NXPH1: variants seen among roughly 807,000 people sequenced by gnomAD.
NXPH1 encodes neurexophilin 1.
A neutral mutation model predicts 23.7 loss-of-function variants in NXPH1; 5 were observed. That is an observed-to-expected ratio of 0.21 (90% CI 0.11 to 0.44). NXPH1 has a LOEUF of 0.44. Ranked by LOEUF, NXPH1 falls within the 20% of genes least tolerant of loss-of-function variation. The pLI, the probability that NXPH1 is intolerant of heterozygous loss-of-function variation, is 0.99. For synonymous variants in NXPH1, 144 were observed against 122.2 expected, an observed-to-expected ratio of 1.18 and a Z score of -1.18; for missense variants, 324 against 321.6, an observed-to-expected ratio of 1.01 and a Z score of -0.06.
Position 8,696,074 on chromosome 7 carries a change from T to G in NXPH1, c.55-54934T>G, listed in dbSNP as rs140315888. Among the ~76,000 whole-genome samples the G allele has an allele frequency of 4.9e-3, 753 of 152,362 alleles. 5 individuals are homozygous for G. Among genetic ancestry groups the G allele is most frequent in the African/African-American group, 0.017 (698 of 41,588 alleles). On this transcript the variant is annotated intron_variant, in intron 2 of 2. Transcript: ENST00000405863. ...TGTGTGCACTGTAACTTGTATATTC[T>G]TATCTCTGATATAAATATATTGTCT...
chr7:8,566,399 A>G (rs1007281140), intron 2 of NXPH1, among the ~76,000 whole-genome samples: 15 of 151,878 alleles, frequency 9.9e-5, no homozygotes, highest in Admixed American at 9.2e-4. Context: ...GGAAAGTGGT[A>G]AAGCATTATT....
chr7:8,652,061 T>A (rs1183477190), intron 2 of NXPH1, among the ~76,000 whole-genome samples: 1 of 152,172 alleles, frequency 6.6e-6, no homozygotes, highest in Non-Finnish European at 1.5e-5. Context: ...CATCTGTCCC[T>A]TTTTAAGCTT....
intron 2 of NXPH1, among the ~76,000 whole-genome samples, chr7:8,640,161 G>C (rs1583210216): frequency 6.6e-6 from 1 of 152,106 alleles, no homozygotes; most frequent in Non-Finnish European, 1.5e-5. Flanking sequence ...ATTTATGTCA[G>C]TGTACATCTT....
chr7:8,466,511 T>A (rs1241592392), intron 2 of NXPH1, among the ~76,000 whole-genome samples: 1 of 152,202 alleles, frequency 6.6e-6, no homozygotes, highest in Non-Finnish European at 1.5e-5. Flanking sequence ...TAAAGGTGTC[T>A]GCAACATTTG....
In NXPH1 at chr7:8,442,806, C is replaced by A. The variant is rs1288943843; in HGVS notation, c.54+7039C>A. Among the ~76,000 whole-genome samples, 1 of 152,232 alleles carries A rather than the reference C, an allele frequency of 6.6e-6. No individual in the cohort carries two copies. The highest frequency in any genetic ancestry group is 1.5e-5 in the Non-Finnish European group (1 of 68,040). ...CCTCTCGCGTCCGGAGCCCAAGTCC[C>A]CATGCAAAAGCGCTGTTTCTGGGTA... On this transcript the variant is annotated intron_variant, in intron 2 of 2. Transcript: ENST00000405863. The surrounding 1 kb of genome is among the most constrained non-coding windows in gnomAD (Gnocchi z 4.6).
chr7:8,567,954 T>C (rs1818575499), intron 2 of NXPH1, among the ~76,000 whole-genome samples: 1 of 151,948 alleles, frequency 6.6e-6, no homozygotes, highest in African/African-American at 2.4e-5. Flanking sequence ...AACCCCTTTA[T>C]ATTTATAGAA....
chr7:8,489,745 G>A (rs1242008841), intron 2 of NXPH1, among the ~76,000 whole-genome samples: 1 of 152,104 alleles, frequency 6.6e-6, no homozygotes, highest in African/African-American at 2.4e-5. Flanking sequence ...CATGTTGAAA[G>A]GACCTGCCTT....
At chr7:8,533,279 G>T (rs1208130594) in intron 2 of NXPH1, among the ~76,000 whole-genome samples, 8 of 152,074 alleles carry the variant, frequency 5.3e-5, no homozygotes, top group African/African-American at 1.4e-4. Flanking sequence ...CAATACTGAA[G>T]TTGTCTTCCT....
intron 2 of NXPH1, among the ~76,000 whole-genome samples, chr7:8,660,128 A>G (rs1170919419): frequency 6.6e-6 from 1 of 152,256 alleles, no homozygotes; most frequent in Admixed American, 6.5e-5. Context: ...TACATGGAGC[A>G]TCTTATTATG....
intron 2 of NXPH1, among the ~76,000 whole-genome samples, chr7:8,728,772 T>G (rs1780100212): frequency 6.6e-6 from 1 of 152,256 alleles, no homozygotes. Context: ...TGCATCAATA[T>G]TCATCAAGGA....
At chr7:8,624,187 T>C (rs186309094) in intron 2 of NXPH1, among the ~76,000 whole-genome samples, 6 of 152,250 alleles carry the variant, frequency 3.9e-5, no homozygotes, top group African/African-American at 1.4e-4. Flanking sequence ...CTCTTAGGTA[T>C]GAGTTTTGGC....
At chr7:8,625,749 A>C (rs1223845558) in intron 2 of NXPH1, among the ~76,000 whole-genome samples, 1 of 152,156 alleles carries the variant, frequency 6.6e-6, no homozygotes. Context: ...AGAGATAAAG[A>C]GTCTGAAATC....
intron 2 of NXPH1, among the ~76,000 whole-genome samples, chr7:8,488,154 C>G (rs1412483392): frequency 6.6e-6 from 1 of 152,116 alleles, no homozygotes; most frequent in Non-Finnish European, 1.5e-5. Context: ...CTCATGAACA[C>G]ATTTTATGGA....
intron 2 of NXPH1, among the ~76,000 whole-genome samples, chr7:8,572,566 A>G (rs1438608303): frequency 2.0e-5 from 3 of 152,016 alleles, no homozygotes; most frequent in African/African-American, 7.2e-5. Flanking sequence ...GTAGACATAG[A>G]GCTGTGAAGG....
chr7:8,560,692 G>A (rs1818428929), intron 2 of NXPH1, among the ~76,000 whole-genome samples: 1 of 151,694 alleles, frequency 6.6e-6, no homozygotes, highest in Admixed American at 6.6e-5. Flanking sequence ...TCTTGGATCA[G>A]CTTTTCTCAA....
intron 2 of NXPH1, among the ~76,000 whole-genome samples, chr7:8,612,561 A>T (rs1211544162): frequency 6.6e-6 from 1 of 152,092 alleles, no homozygotes; most frequent in Non-Finnish European, 1.5e-5. Flanking sequence ...GTGCTAAGTT[A>T]TAAGAGAGTC....
chr7:8,722,795 C>T lies in NXPH1; in HGVS notation c.55-28213C>T, dbSNP rs1338728508. Among the ~76,000 whole-genome samples the T allele has an allele frequency of 2.0e-5, 3 of 152,174 alleles. 1 individual carries two copies. Among genetic ancestry groups the T allele is most frequent in the South Asian group, 4.1e-4 (2 of 4,832 alleles). On this transcript the variant is annotated intron_variant, in intron 2 of 2. Coordinates refer to ENST00000405863, the MANE Select transcript of NXPH1 (RefSeq NM_152745.3). ...CCTTCATCACAATTTTGGCTCTGCT[C>T]CTAACCATCTTGATAGCCTTTTGTG...
chr7:8,646,862 CA>C (rs1282248774), intron 2 of NXPH1, among the ~76,000 whole-genome samples: 2 of 73,862 alleles, frequency 2.7e-5, no homozygotes, highest in East Asian at 0.032. Context: ...AGGTTTCTGT[CA>C]TTTTTTTTTT....
intron 2 of NXPH1, among the ~76,000 whole-genome samples, chr7:8,543,920 C>A (rs766286516): frequency 6.6e-6 from 1 of 151,424 alleles, no homozygotes; most frequent in African/African-American, 2.4e-5. Context: ...TGGAAGGGAT[C>A]TGTAGAATTA....
Sources: gnomAD v4.1 joint callset for allele counts (sites outside exome capture counted in the v4.1 genomes callset) on GRCh38, gnomAD v4.1.1 for gene constraint, Gnocchi (gnomAD v3.1) non-coding constraint, MANE v1.5 for transcripts, NCBI Gene and HGNC (gene_info 2026-07-23, HGNC 2026-07-21) for gene names.